Variants in SNTG2 observed in about 807,000 individuals in gnomAD.
The protein encoded by SNTG2 is syntrophin gamma 2.
In SNTG2, 74 loss-of-function variants were observed where a neutral mutation model predicts 70.9. The observed-to-expected ratio is 1.04, with a 90% CI of 0.86 to 1.27. The LOEUF (loss-of-function observed/expected upper bound fraction) is 1.27. Among genes scored for constraint, SNTG2 ranks in the 50% most tolerant of loss-of-function variants. The pLI, the probability that SNTG2 is intolerant of heterozygous loss-of-function variation, is 0.00. For synonymous variants in SNTG2, 278 were observed against 273.8 expected, an observed-to-expected ratio of 1.02 and a Z score of -0.15; for missense variants, 717 against 690.7, an observed-to-expected ratio of 1.04 and a Z score of -0.43.
intron 1 of SNTG2, among the ~76,000 whole-genome samples, chr2:1,030,234 G>C (rs1660739608): frequency 6.6e-6 from 1 of 152,224 alleles, no homozygotes; most frequent in Non-Finnish European, 1.5e-5. Context: ...GAGCTGTGCA[G>C]TCATGCCGCC....
chr2:1,165,527 C>G (rs1472117223), intron 6 of SNTG2, 21 bp from the exon 7 acceptor site: 2 of 1,600,848 alleles, frequency 1.2e-6, no homozygotes, highest in South Asian at 2.2e-5. Context: ...GTAAAAGTAG[C>G]TATTTTTGTC....
intron 10 of SNTG2, among the ~76,000 whole-genome samples, chr2:1,238,675 T>C (rs987138789): frequency 1.3e-5 from 2 of 152,248 alleles, no homozygotes; most frequent in African/African-American, 4.8e-5. Flanking sequence ...CCCTGGCAAC[T>C]GTGGCAGGAC....
intron 16 of SNTG2, among the ~76,000 whole-genome samples, chr2:1,340,258 T>G (rs932438888): frequency 2.0e-5 from 3 of 152,104 alleles, no homozygotes; most frequent in Non-Finnish European, 2.9e-5. Flanking sequence ...ATGCCGGTTG[T>G]TATTACCCTG....
At chr2:1,253,941 G>C (rs527262434) in intron 12 of SNTG2, among the ~76,000 whole-genome samples, 2 of 152,126 alleles carry the variant, frequency 1.3e-5, no homozygotes, top group South Asian at 4.2e-4. Flanking sequence ...GCCAGAGAAG[G>C]AGGAAGAGAG....
intron 8 of SNTG2, among the ~76,000 whole-genome samples, chr2:1,182,919 ATTTTTGTATCC>A (rs1462423846): frequency 6.6e-6 from 1 of 151,862 alleles, no homozygotes. Flanking sequence ...TGCCTAGATA[ATTTTTGTATCC>A]TTTTTGTAAA....
chr2:988,638 C>T (rs921029331), intron 1 of SNTG2, among the ~76,000 whole-genome samples: 2 of 152,180 alleles, frequency 1.3e-5, no homozygotes, highest in East Asian at 1.9e-4. Flanking sequence ...CATACGTGGA[C>T]GCTATAGACA....
chr2:957,244 G>T (rs1660195066), intron 1 of SNTG2, among the ~76,000 whole-genome samples: 1 of 148,610 alleles, frequency 6.7e-6, no homozygotes, highest in Non-Finnish European at 1.5e-5. Flanking sequence ...AACGATCATG[G>T]TCTGCAGCAA....
chr2:1,042,668 A>G (rs1661506769), intron 1 of SNTG2, among the ~76,000 whole-genome samples: 1 of 152,210 alleles, frequency 6.6e-6, no homozygotes. Flanking sequence ...AATGGCCTCC[A>G]GCTCCATCCA....
intron 6 of SNTG2, among the ~76,000 whole-genome samples, chr2:1,161,849 C>A (rs373380616): frequency 7.9e-5 from 12 of 151,928 alleles, no homozygotes; most frequent in Non-Finnish European, 1.5e-4. Flanking sequence ...CCGAGGCGGG[C>A]GGATCACGAG....
intron 6 of SNTG2, among the ~76,000 whole-genome samples, chr2:1,154,306 C>T (rs886491843): frequency 1.3e-5 from 2 of 152,150 alleles, no homozygotes; most frequent in Non-Finnish European, 2.9e-5. Flanking sequence ...TGGCATCTTC[C>T]CGGAGGGTCC....
intron 1 of SNTG2, among the ~76,000 whole-genome samples, chr2:1,001,662 A>T (rs915810388): frequency 5.3e-5 from 8 of 152,086 alleles, no homozygotes; most frequent in Non-Finnish European, 7.4e-5. Flanking sequence ...GATTGAAAAA[A>T]ATCAATATTA....
intron 2 of SNTG2, among the ~76,000 whole-genome samples, chr2:1,093,782 C>T (rs117518048): frequency 6.6e-6 from 1 of 152,364 alleles, no homozygotes; most frequent in East Asian, 1.9e-4. Context: ...GCAGCTTGGG[C>T]TCCACCGTAA....
At chr2:1,172,084 A>G (rs1290519892) in intron 7 of SNTG2, among the ~76,000 whole-genome samples, 1 of 152,212 alleles carries the variant, frequency 6.6e-6, no homozygotes, top group Non-Finnish European at 1.5e-5. Flanking sequence ...CTTTCCTGCA[A>G]GAAGCCAGTG....
chr2:1,350,638 A>G (rs1040856160), intron 16 of SNTG2, among the ~76,000 whole-genome samples: 2 of 152,212 alleles, frequency 1.3e-5, no homozygotes, highest in Non-Finnish European at 2.9e-5. Flanking sequence ...GTTTTGGCTC[A>G]GAGAAACATG....
intron 9 of SNTG2, among the ~76,000 whole-genome samples, chr2:1,226,927 A>C (rs4544477): frequency 0.3 from 45,198 of 152,104 alleles, 7,591 homozygotes; most frequent in African/African-American, 0.46. Context: ...AACATGAGGA[A>C]TTTGAGCCCA....
intron 16 of SNTG2, among the ~76,000 whole-genome samples, chr2:1,357,399 T>C (rs1300474042): frequency 6.6e-6 from 1 of 152,180 alleles, no homozygotes; most frequent in Non-Finnish European, 1.5e-5. Flanking sequence ...CTTAAAATCA[T>C]GTGATTTGTA....
intron 8 of SNTG2, among the ~76,000 whole-genome samples, chr2:1,194,378 A>G (rs1672777831): frequency 6.6e-6 from 1 of 152,208 alleles, no homozygotes; most frequent in South Asian, 2.1e-4. Flanking sequence ...GACCACATAC[A>G]GCTGTGAAAA....
At chr2:986,333 T>C (rs1661323519) in intron 1 of SNTG2, among the ~76,000 whole-genome samples, 2 of 152,358 alleles carry the variant, frequency 1.3e-5, no homozygotes, top group African/African-American at 4.8e-5. Context: ...AAGGTAACTT[T>C]ACCCTTTAGA....
intron 7 of SNTG2, 83 bp downstream of exon 7, chr2:1,165,718 C>T (rs529670896): frequency 8.6e-7 from 1 of 1,163,668 alleles, no homozygotes. Context: ...ACCACATGGA[C>T]TGGGATATTA....
Sources: gnomAD v4.1 joint callset for allele counts (sites outside exome capture counted in the v4.1 genomes callset) on GRCh38, gnomAD v4.1.1 for gene constraint, MANE v1.5 for transcripts, NCBI Gene and HGNC (gene_info 2026-07-23, HGNC 2026-07-21) for gene names.